Variants in CAMK1 observed in about 807,000 individuals in gnomAD.
CAMK1 encodes calcium/calmodulin dependent protein kinase I.
A neutral mutation model predicts 49.1 loss-of-function variants in CAMK1; 39 were observed. The observed-to-expected ratio is 0.79, with a 90% CI of 0.62 to 1.04. CAMK1 has a LOEUF of 1.04. Among genes scored for constraint, CAMK1 ranks in the 50% least tolerant of loss-of-function variants. The pLI is 0.00. For synonymous variants in CAMK1, 192 were observed against 185.2 expected, an observed-to-expected ratio of 1.04 and a Z score of -0.30; for missense variants, 457 against 472.2, an observed-to-expected ratio of 0.97 and a Z score of 0.30.
intron 3 of CAMK1, among the ~76,000 whole-genome samples, chr3:9,763,776 A>G (rs2078006484): frequency 6.6e-6 from 1 of 152,196 alleles, no homozygotes. Context: ...ACTTGAGGTC[A>G]GGAGTTCGAG....
chr3:9,760,793 A>G, intron 7 of CAMK1, 25 bp from the exon 8 acceptor site: 1 of 1,613,532 alleles, frequency 6.2e-7, no homozygotes, highest in Non-Finnish European at 8.5e-7. Context: ...ACTCATCCTC[A>G]TTTCCACTTT....
chr3:9,759,421 T>C, intron 10 of CAMK1, 67 bp downstream of exon 10: 1 of 1,606,294 alleles, frequency 6.2e-7, no homozygotes, highest in South Asian at 1.1e-5. Flanking sequence ...CTGTGCAAGC[T>C]GAGCCTGGGT....
At chr3:9,765,647 G>A (rs2125592889) in intron 3 of CAMK1, 112 bp downstream of exon 3, 1 of 1,240,902 alleles carries the variant, frequency 8.1e-7, no homozygotes, top group Non-Finnish European at 1.1e-6. Context: ...TTTATAAAGG[G>A]GCAATTTAAG....
chr3:9,768,897 G>T (rs1307247578), intron 1 of CAMK1, among the ~76,000 whole-genome samples: 1 of 152,094 alleles, frequency 6.6e-6, no homozygotes, highest in African/African-American at 2.4e-5. Flanking sequence ...TAGGAAAGGA[G>T]ACTCGAGTGT....
chr3:9,761,943 A>G (rs293794), intron 5 of CAMK1, 186 bp from the exon 6 acceptor site: 138,586 of 790,964 alleles, frequency 0.18, 13,327 homozygotes, highest in African/African-American at 0.25. Flanking sequence ...ACAAGGCTCA[A>G]GAGGGTGTGG....
chr3:9,761,296 G>C (rs1284672176), intron 7 of CAMK1, 165 bp downstream of exon 7: 1 of 718,036 alleles, frequency 1.4e-6, no homozygotes, highest in Non-Finnish European at 2.3e-6. Flanking sequence ...CACAGTGCTT[G>C]AAACATAGTA....
chr3:9,767,434 A>G (rs2078184606), intron 2 of CAMK1, among the ~76,000 whole-genome samples: 1 of 152,186 alleles, frequency 6.6e-6, no homozygotes, highest in South Asian at 2.1e-4. Flanking sequence ...ACTGACTGGC[A>G]CCTTCATTCT....
At chr3:9,766,255 G>A (rs1347392616) in intron 2 of CAMK1, 1 of 707,662 alleles carries the variant, frequency 1.4e-6, no homozygotes, top group South Asian at 1.5e-5. Flanking sequence ...TCCAACCTGA[G>A]AAATGGCCAA....
chr3:9,765,886 C>A lies in CAMK1; in HGVS notation c.88G>T (p.Ala30Ser), dbSNP rs765645330. The change falls in exon 3 of 12, where the codon GCC becomes TCC. Residue 30 changes from alanine (A) to serine (S), a missense_variant. Ala to Ser is a moderately conservative substitution (Grantham distance 99). Transcript: ENST00000256460. ...TCTGCCAGGATCACCTCCGAGAAGGCCCCCCTATCGGGAGAGGGGATTCAC... is the reference window on the plus strand; with the variant it reads ...TCTGCCAGGATCACCTCCGAGAAGGACCCCCTATCGGGAGAGGGGATTCAC... ...YDFRDVLGTGAFSEVILAEDK... is the reference protein window; with the variant it reads ...YDFRDVLGTGSFSEVILAEDK... 3.4e-5 allele frequency: 55 copies of A among 1,614,086 alleles called. No individual in the cohort carries two copies. Among genetic ancestry groups the A allele is most frequent in the Non-Finnish European group, 4.0e-5 (47 of 1,180,018 alleles).
In CAMK1 at chr3:9,759,835, TG is replaced by T. The variant is rs1559695361; in HGVS notation, c.746-86del. The T allele has an allele frequency of 1.9e-6, 3 of 1,609,108 alleles. No homozygotes were observed. The African/African-American group carries it at 4.0e-5, about 21-fold the overall frequency. On this transcript the variant is annotated intron_variant, in intron 8 of 11. Coordinates refer to ENST00000256460, the MANE Select transcript of CAMK1 (RefSeq NM_003656.5). ...AAGAGCATACCCACTCCCTCAGGTC[TG>T]GCCTGGCATCAAGACAAAGAGGCCA...
intron 4 of CAMK1, 21 bp from the exon 5 acceptor site, chr3:9,763,073 G>A (rs978463265): frequency 1.2e-6 from 2 of 1,614,036 alleles, no homozygotes; most frequent in African/African-American, 1.3e-5. Flanking sequence ...GGATAGGGCA[G>A]TCTGGCAAAG....
intron 3 of CAMK1, among the ~76,000 whole-genome samples, chr3:9,764,939 A>T (rs1033619679): frequency 4.6e-5 from 7 of 152,026 alleles, no homozygotes; most frequent in African/African-American, 1.4e-4. Context: ...TCTTATTAGA[A>T]ATGCTCTGCC....
chr3:9,763,480 T>A (rs1314312946), intron 3 of CAMK1, among the ~76,000 whole-genome samples: 4 of 149,560 alleles, frequency 2.7e-5, no homozygotes, highest in African/African-American at 9.8e-5. Context: ...ACTGCCTACA[T>A]ACCTGGGTAG....
chr3:9,759,274 T>C (rs2077734115), intron 10 of CAMK1: 1 of 1,613,318 alleles, frequency 6.2e-7, no homozygotes, highest in African/African-American at 1.3e-5. Flanking sequence ...GACTTCTTCC[T>C]CTAGACTTGG....
In CAMK1 at chr3:9,757,496, C is replaced by T. The variant is rs1415932804; in HGVS notation, c.*43G>A. On this transcript the variant is annotated 3_prime_UTR_variant, in exon 12 of 12. Coordinates refer to ENST00000256460, the MANE Select transcript of CAMK1 (RefSeq NM_003656.5). This position sits in a 1 kb window ranked among gnomAD's most constrained non-coding sequence, Gnocchi z 4.5. ...GGAGGGAAGGGGAGCAGGCTGCCCC[C>T]AAGCCCTCCCACGCAGAGGATCATG... 6 of 1,604,548 alleles carry T rather than the reference C, an allele frequency of 3.7e-6. No homozygotes were observed. The highest frequency in any genetic ancestry group is 3.4e-5 in the Admixed American group (2 of 59,634).
chr3:9,764,337 T>TCAGGCTGGAGTGTTGCC (rs1340783604), intron 3 of CAMK1, among the ~76,000 whole-genome samples: 1 of 152,132 alleles, frequency 6.6e-6, no homozygotes, highest in Non-Finnish European at 1.5e-5. Flanking sequence ...CTCTTGTTGC[T>TCAGGCTGGAGTGTTGCC]CAGGCTGGAG....
Position 9,767,687 on chromosome 3 carries a change from G to T in CAMK1, c.63C>A (p.Asp21Glu), listed in dbSNP as rs1407548505. 6.2e-7 allele frequency: 1 copy of T among 1,614,152 alleles called. No homozygotes were observed. The highest frequency in any genetic ancestry group is 8.5e-7 in the Non-Finnish European group (1 of 1,180,010). Residue 21 changes from aspartate to glutamate, a missense_variant, in exon 2 of 12, where the codon GAC becomes GAA. Physicochemically the swap from Asp to Glu is conservative, Grantham distance 45. Transcript: ENST00000256460. ...KQAEDIRDIY[D>E]FRDVLGTGAF... ...CTCACGTGCCCAGAACATCTCGGAAGTCGTAGATGTCTCTAATGTCCTCCG... is the reference window on the plus strand; with the variant it reads ...CTCACGTGCCCAGAACATCTCGGAATTCGTAGATGTCTCTAATGTCCTCCG...
chr3:9,758,061 A>G (rs2077670937), intron 10 of CAMK1: 1 of 603,512 alleles, frequency 1.7e-6, no homozygotes, highest in South Asian at 2.6e-5. Context: ...GTGTATCTAT[A>G]TATATAAATA....
In CAMK1 at chr3:9,767,733, TCCACTGCCCCCAGCATGGC is replaced by T. The variant is rs952024590; in HGVS notation, c.-3_16del. Reference sequence around the variant, plus strand: ...CTCCGCCTGCTTCCACCTGGGGCCTTCCACTGCCCCCAGCATGGCCCACTGCCCCCCGACCACAGCCAGG... The same window carrying T: ...CTCCGCCTGCTTCCACCTGGGGCCTTCCACTGCCCCCCGACCACAGCCAGG... On this transcript the variant is annotated start_lost and 5_prime_UTR_variant, in exon 2 of 12. Coordinates refer to ENST00000256460, the MANE Select transcript of CAMK1 (RefSeq NM_003656.5). 6.2e-7 allele frequency: 1 copy of T among 1,614,046 alleles called. No individual in the cohort carries two copies. Among genetic ancestry groups the T allele is most frequent in the Non-Finnish European group, 8.5e-7 (1 of 1,179,998 alleles).
Sources: gnomAD v4.1 joint callset for allele counts (sites outside exome capture counted in the v4.1 genomes callset) on GRCh38, gnomAD v4.1.1 for gene constraint, Gnocchi (gnomAD v3.1) non-coding constraint, MANE v1.5 for transcripts, NCBI Gene and HGNC (gene_info 2026-07-23, HGNC 2026-07-21) for gene names.